SELENOI: variants seen among roughly 807,000 people sequenced by gnomAD.
SELENOI encodes the protein ethanolaminephosphotransferase 1.
SELENOI carries 24 observed loss-of-function variants against 50.7 expected under a neutral mutation model. The ratio of observed to expected loss-of-function variants is 0.47; its 90% CI spans 0.34 to 0.67. SELENOI has a LOEUF of 0.67. Among genes scored for constraint, SELENOI ranks in the 30% least tolerant of loss-of-function variants. The pLI is 0.01. For synonymous variants in SELENOI, 155 were observed against 170.2 expected (o/e 0.91, Z 0.70); for missense variants, 352 against 461.4 (o/e 0.76, Z 2.17).
In SELENOI at chr2:26,394,621, A is replaced by G. The variant is rs1572342089; in HGVS notation, c.*5518A>G. ...AAAATGTGCCAAGAAAGCAAAATTCATTATTGAACTCTAAATTTCTGGGTG... is the reference window on the plus strand; with the variant it reads ...AAAATGTGCCAAGAAAGCAAAATTCGTTATTGAACTCTAAATTTCTGGGTG... On this transcript the variant is annotated 3_prime_UTR_variant, in exon 10 of 10. Transcript: ENST00000260585. This position sits in a 1 kb window ranked among gnomAD's most constrained non-coding sequence, Gnocchi z 4.1. The G allele has an allele frequency of 1.3e-5, 2 of 152,054 alleles. No individual in the cohort carries two copies. The highest frequency in any genetic ancestry group is 6.8e-3 in the Middle Eastern group (2 of 292). The allele number at this position is 152,054 out of a possible 1,614,324, so 9.4% of individuals were successfully genotyped here. A position where few individuals can be genotyped will look rare whatever the true frequency, so the allele number is the denominator to read the frequency against.
chr2:26,383,585 G>A (rs1477633622), intron 7 of SELENOI, among the ~76,000 whole-genome samples: 1 of 152,050 alleles, frequency 6.6e-6, no homozygotes, highest in Non-Finnish European at 1.5e-5. Context: ...TCATCAAATA[G>A]TCTTCTAATG....
In SELENOI at chr2:26,393,786, G is replaced by A. The variant is rs1678025043; in HGVS notation, c.*4683G>A. On this transcript the variant is annotated 3_prime_UTR_variant, in exon 10 of 10. Coordinates refer to ENST00000260585, the MANE Select transcript of SELENOI (RefSeq NM_033505.4). ...GAAATTGGAAGCAGACTGCTCTTCAGCAGCACATATACTGCAACTGAAGTT... is the reference window on the plus strand; with the variant it reads ...GAAATTGGAAGCAGACTGCTCTTCAACAGCACATATACTGCAACTGAAGTT... The A allele has an allele frequency of 6.6e-6, 1 of 152,200 alleles. No individual in the cohort carries two copies. Among genetic ancestry groups the A allele is most frequent in the Non-Finnish European group, 1.5e-5 (1 of 68,050 alleles). The allele number at this position is 152,200 out of a possible 1,614,324, so 9.4% of individuals were successfully genotyped here. A position where few individuals can be genotyped will look rare whatever the true frequency, so the allele number is the denominator to read the frequency against.
intron 6 of SELENOI, among the ~76,000 whole-genome samples, chr2:26,378,248 C>T (rs547443954): frequency 6.6e-6 from 1 of 152,300 alleles, no homozygotes; most frequent in East Asian, 1.9e-4. Context: ...GCCCCCAACC[C>T]TCAAGCCAGT....
At chr2:26,354,208 C>T (rs928859702) in intron 1 of SELENOI, among the ~76,000 whole-genome samples, 25 of 152,124 alleles carry the variant, frequency 1.6e-4, no homozygotes, top group African/African-American at 6.0e-4. Context: ...CCCTGTTTCA[C>T]CGAGACACTG....
At position 26,391,209 on chromosome 2, in the gene SELENOI, A is replaced by G. The variant is rs926525617; in HGVS notation, c.*2106A>G. On this transcript the variant is annotated 3_prime_UTR_variant, in exon 10 of 10. Coordinates refer to ENST00000260585, the MANE Select transcript of SELENOI (RefSeq NM_033505.4). Reference sequence around the variant, plus strand: ...ATGACTTGTTTCCCTATGGTGGTAAAGAATGATGCCATAGTCAGTTTTATT... The same window carrying G: ...ATGACTTGTTTCCCTATGGTGGTAAGGAATGATGCCATAGTCAGTTTTATT... The G allele has an allele frequency of 6.6e-6, 1 of 152,210 alleles. No individual in the cohort carries two copies. Among genetic ancestry groups the G allele is most frequent in the Non-Finnish European group, 1.5e-5 (1 of 68,040 alleles). The allele number at this position is 152,210 out of a possible 1,614,324, so 9.4% of individuals were successfully genotyped here.
At position 26,384,992 on chromosome 2, in the gene SELENOI, A is replaced by G. The variant is rs1316404824; in HGVS notation, c.765A>G (p.Ser255=). ...SYKNNTLKLN[S]VYEAMVPLFS... ...AAAATAACACCTTGAAACTCAATTC[A>G]GTCTATGAAGCTATGGTTCCCTTAT... The change falls in exon 8 of 10, where the codon TCA becomes TCG. Residue 255 remains serine, a synonymous_variant. Transcript: ENST00000260585. 2 of 1,608,730 alleles carry G rather than the reference A, an allele frequency of 1.2e-6. No individual in the cohort carries two copies. The highest frequency in any genetic ancestry group is 1.1e-5 in the South Asian group (1 of 89,518).
chr2:26,363,012 G>A (rs1386808425), intron 1 of SELENOI, among the ~76,000 whole-genome samples: 1 of 152,122 alleles, frequency 6.6e-6, no homozygotes, highest in Non-Finnish European at 1.5e-5. Flanking sequence ...GTTTATGTAT[G>A]TCTTTTAAAA....
chr2:26,373,429 G>T lies in SELENOI; in HGVS notation c.373G>T (p.Asp125Tyr). The change falls in exon 5 of 10, where the codon GAT becomes TAT. Residue 125 changes from aspartate to tyrosine, a missense_variant. Transcript: ENST00000260585. Reference sequence around the variant, plus strand: ...TAGCACTCCCTTAGGGGAGCTTTTTGATCATGGCCTGGATAGTTGGTCATG... The same window carrying T: ...TAGCACTCCCTTAGGGGAGCTTTTTTATCATGGCCTGGATAGTTGGTCATG... ...NSSTPLGELF[D>Y]HGLDSWSCVY... is the part of the protein sequence containing the mutation. 6.2e-7 allele frequency: 1 copy of T among 1,613,260 alleles called. No homozygotes were observed. The highest frequency in any genetic ancestry group is 8.5e-7 in the Non-Finnish European group (1 of 1,179,478).
At chr2:26,354,115 G>C (rs1677015899) in intron 1 of SELENOI, among the ~76,000 whole-genome samples, 5 of 152,080 alleles carry the variant, frequency 3.3e-5, no homozygotes, top group Admixed American at 3.3e-4. Flanking sequence ...TGTATACTCT[G>C]TGCCAGGCAC....
chr2:26,352,160 ATATCT>A (rs1676974081), intron 1 of SELENOI, among the ~76,000 whole-genome samples: 1 of 152,022 alleles, frequency 6.6e-6, no homozygotes. Flanking sequence ...AAAAAGCCAA[ATATCT>A]TAAGTGGTTC....
intron 6 of SELENOI, among the ~76,000 whole-genome samples, chr2:26,380,480 C>T (rs367654921): frequency 8.5e-4 from 130 of 152,322 alleles, no homozygotes; most frequent in African/African-American, 3.0e-3. Flanking sequence ...CTTACAGCTG[C>T]CTGGCACTTC....
At chr2:26,353,229 C>T (rs1031815073) in intron 1 of SELENOI, among the ~76,000 whole-genome samples, 1 of 152,066 alleles carries the variant, frequency 6.6e-6, no homozygotes, top group Non-Finnish European at 1.5e-5. Context: ...TAAAAAAATA[C>T]AATAGTGTTT....
chr2:26,373,509 C>T lies in SELENOI; in HGVS notation c.453C>T (p.Val151=). ...TCTTTGGAAGAGGATCAACTGGTGT[C>T]AGTGTTTTTGTTCTTTATCTCCTGC... ...YSIFGRGSTG[V]SVFVLYLLLW... Residue 151 remains valine, a synonymous_variant, in exon 5 of 10, where the codon GTC becomes GTT. Transcript: ENST00000260585. 1 of 1,613,970 alleles carries T rather than the reference C, an allele frequency of 6.2e-7. No individual in the cohort carries two copies. The highest frequency in any genetic ancestry group is 8.5e-7 in the Non-Finnish European group (1 of 1,179,876).
At chr2:26,356,115 G>A (rs1677059282) in intron 1 of SELENOI, among the ~76,000 whole-genome samples, 1 of 152,124 alleles carries the variant, frequency 6.6e-6, no homozygotes, top group South Asian at 2.1e-4. Context: ...CTGTCCTAGG[G>A]TTAATTATCC....
rs1260211212 is a variant in SELENOI at position 26,369,278 on chromosome 2, C to T, written c.310+2058C>T. ...TAAGATTCTCATGTTTATATCTAGC[C>T]CTGATCTGTGTTCTGAGTTCCTAAT... On this transcript the variant is annotated intron_variant, in intron 4 of 9. Transcript: ENST00000260585. Among the ~76,000 whole-genome samples the T allele has an allele frequency of 2.0e-5, 3 of 152,196 alleles. No homozygotes were observed. The East Asian group carries it at 5.8e-4, about 29-fold the overall frequency.
chr2:26,388,657 A>G (rs71441027), intron 9 of SELENOI, among the ~76,000 whole-genome samples: 5 of 152,174 alleles, frequency 3.3e-5, no homozygotes, highest in Non-Finnish European at 7.4e-5. Flanking sequence ...TTACTTAGAA[A>G]TGTTTAGCAA....
At chr2:26,373,245 G>C in intron 4 of SELENOI, 122 bp from the exon 5 acceptor site, 1 of 1,176,064 alleles carries the variant, frequency 8.5e-7, no homozygotes, top group Non-Finnish European at 1.2e-6. Flanking sequence ...CCAGCTGATA[G>C]CTATACTTAA....
rs1677920830 is a variant in SELENOI, at chr2:26,389,699, A to G, written c.*596A>G. On this transcript the variant is annotated 3_prime_UTR_variant, in exon 10 of 10. Coordinates refer to ENST00000260585, the MANE Select transcript of SELENOI (RefSeq NM_033505.4). ...AATATTCTAGCTCTCTTTATTATGG[A>G]ACAGATCTTGATAGATGGTTTAATT... 6.5e-6 allele frequency: 1 copy of G among 152,810 alleles called. No homozygotes were observed. 9.5% of individuals were successfully genotyped at this position (152,810 alleles called of 1,614,324 possible). A position where few individuals can be genotyped will look rare whatever the true frequency, so the allele number is the denominator to read the frequency against.
At chr2:26,348,694 T>G (rs1676875939) in intron 1 of SELENOI, among the ~76,000 whole-genome samples, 1 of 151,362 alleles carries the variant, frequency 6.6e-6, no homozygotes, top group Non-Finnish European at 1.5e-5. Flanking sequence ...TGGCTGACTT[T>G]TTTTTTTTTT....
Sources: gnomAD v4.1 joint callset for allele counts (sites outside exome capture counted in the v4.1 genomes callset) on GRCh38, gnomAD v4.1.1 for gene constraint, Gnocchi (gnomAD v3.1) non-coding constraint, MANE v1.5 for transcripts, NCBI Gene and HGNC (gene_info 2026-07-23, HGNC 2026-07-21) for gene names.